Variants in APPBP2 observed in about 807,000 individuals in gnomAD.
APPBP2 encodes amyloid protein-binding protein 2.
A neutral mutation model predicts 76.0 loss-of-function variants in APPBP2; 15 were observed. The ratio of observed to expected loss-of-function variants is 0.20; its 90% CI spans 0.13 to 0.30. The LOEUF (loss-of-function observed/expected upper bound fraction) is 0.30. Among genes scored for constraint, APPBP2 ranks in the 10% least tolerant of loss-of-function variants. APPBP2 has a pLI of 1.00. For missense variants in APPBP2, 401 were observed against 687.2 expected (o/e 0.58, Z 4.66); for synonymous variants, 222 against 242.2 (o/e 0.92, Z 0.77).
chr17:60,507,887 A>C (rs1458773770), intron 1 of APPBP2, among the ~76,000 whole-genome samples: 1 of 152,098 alleles, frequency 6.6e-6, no homozygotes, highest in African/African-American at 2.4e-5. Flanking sequence ...TCCTGGGCTC[A>C]AGAGATTCTC....
chr17:60,522,634 T>C (rs775962305), intron 1 of APPBP2, among the ~76,000 whole-genome samples: 3 of 152,186 alleles, frequency 2.0e-5, no homozygotes, highest in African/African-American at 7.2e-5. Context: ...TTAATTCTTT[T>C]GTTCTGATCT....
intron 8 of APPBP2, 36 bp downstream of exon 8, chr17:60,461,774 C>T: frequency 6.8e-7 from 1 of 1,479,524 alleles, no homozygotes; most frequent in Non-Finnish European, 9.3e-7. Flanking sequence ...CAAGTCAATA[C>T]AGGTTGAAAG....
chr17:60,447,783 C>A lies in APPBP2; in HGVS notation c.1556G>T (p.Gly519Val). ...AATGGAGTTGTAAAGTTTAATGAGA[C>A]CTCGATAATCATATTCTAGTCCACT... Reference protein sequence around the residue: ...GYSGLEYDYRGLIKLYNSIGN... With the variant: ...GYSGLEYDYRVLIKLYNSIGN... Residue 519 changes from glycine (G) to valine (V), a missense_variant, in exon 13 of 13, where the codon GGT becomes GTT. Gly to Val is a moderately radical substitution (Grantham distance 109). Around this residue, in one of 5 missense-constraint regions of APPBP2, gnomAD observed 130 missense variants for 322.7 expected, o/e 0.40. Transcript: ENST00000083182. 6.2e-7 allele frequency: 1 copy of A among 1,613,676 alleles called. No homozygotes were observed. Among genetic ancestry groups the A allele is most frequent in the Non-Finnish European group, 8.5e-7 (1 of 1,179,918 alleles).
Position 60,479,138 on chromosome 17 carries a change from T to TC in APPBP2, c.503+9dup. 6.2e-7 allele frequency: 1 copy of TC among 1,609,040 alleles called. No individual in the cohort carries two copies. Among genetic ancestry groups the TC allele is most frequent in the South Asian group, 1.1e-5 (1 of 89,624 alleles). On this transcript the variant is annotated intron_variant, in intron 4 of 12. Transcript: ENST00000083182. ...TATAGCACGTAATTACAGGATATGT[T>TC]CCAACTTACCTCACACAACATTCTA...
intron 12 of APPBP2, 116 bp from the exon 13 acceptor site, chr17:60,447,950 C>T (rs1356548696): frequency 2.2e-6 from 2 of 919,710 alleles, no homozygotes; most frequent in Admixed American, 5.5e-5. Context: ...GGTTTATTCC[C>T]CTGAAAGGAA....
At chr17:60,500,213 C>T (rs1218992498) in intron 2 of APPBP2, among the ~76,000 whole-genome samples, 186 bp downstream of exon 2, 1 of 151,876 alleles carries the variant, frequency 6.6e-6, no homozygotes, top group Non-Finnish European at 1.5e-5. Flanking sequence ...GGTTTCATCA[C>T]GTTAGCCAGG....
chr17:60,496,883 G>C (rs1394161311), intron 2 of APPBP2, among the ~76,000 whole-genome samples: 2 of 152,116 alleles, frequency 1.3e-5, no homozygotes, highest in African/African-American at 2.4e-5. Context: ...ACCACGCCCA[G>C]CTAATTTTTG....
chr17:60,471,228 G>C (rs2143352053), intron 4 of APPBP2, among the ~76,000 whole-genome samples: 1 of 152,152 alleles, frequency 6.6e-6, no homozygotes, highest in Non-Finnish European at 1.5e-5. Context: ...TGATGTTTTT[G>C]ATTTACAAAA....
intron 2 of APPBP2, among the ~76,000 whole-genome samples, chr17:60,498,646 A>G (rs2090796855): frequency 6.6e-6 from 1 of 152,226 alleles, no homozygotes; most frequent in African/African-American, 2.4e-5. Context: ...TGATTCTCAT[A>G]AAACAATACT....
In APPBP2 at chr17:60,486,273, ATCTG is replaced by A. The variant is rs1439223258; in HGVS notation, c.380-7006_380-7003del. Among the ~76,000 whole-genome samples, 7 of 152,142 alleles carry A rather than the reference ATCTG, an allele frequency of 4.6e-5. No individual in the cohort carries two copies. In the East Asian group the frequency reaches 7.7e-4, roughly 17 times the overall value. On this transcript the variant is annotated intron_variant, in intron 3 of 12. Transcript: ENST00000083182. ...TCCTTGTTAACCTTCTGTCTCATTG[ATCTG>A]TCTAATATTGACAGTGGGGTGTTAA...
rs976849993 is a variant in APPBP2, at chr17:60,443,407, G to A, written c.*4174C>T. 2.0e-5 allele frequency: 3 copies of A among 152,568 alleles called. No individual in the cohort carries two copies. The highest frequency in any genetic ancestry group is 2.9e-5 in the Non-Finnish European group (2 of 68,004). 9.5% of individuals were successfully genotyped at this position (152,568 alleles called of 1,614,324 possible). Reference sequence around the variant, plus strand: ...TGGCACTATTAGTGGGGATTTTCACGTAAAGATTGTTAGTGTTTTGTTTTT... The same window carrying A: ...TGGCACTATTAGTGGGGATTTTCACATAAAGATTGTTAGTGTTTTGTTTTT... On this transcript the variant is annotated 3_prime_UTR_variant, in exon 13 of 13. Coordinates refer to ENST00000083182, the MANE Select transcript of APPBP2 (RefSeq NM_006380.5).
chr17:60,481,773 C>T (rs2090631671), intron 3 of APPBP2, among the ~76,000 whole-genome samples: 1 of 152,212 alleles, frequency 6.6e-6, no homozygotes, highest in African/African-American at 2.4e-5. Context: ...AAGAAGACAA[C>T]AGCACAATTG....
intron 1 of APPBP2, among the ~76,000 whole-genome samples, chr17:60,514,986 T>C (rs141251280): frequency 0.015 from 2,253 of 152,050 alleles, 49 homozygotes; most frequent in African/African-American, 0.05. Context: ...GTATGTTTAG[T>C]AGAGACGGGG....
chr17:60,505,470 C>T (rs754403732), intron 1 of APPBP2, among the ~76,000 whole-genome samples: 4 of 152,164 alleles, frequency 2.6e-5, no homozygotes, highest in Non-Finnish European at 5.9e-5. Flanking sequence ...CGCCTGCCAC[C>T]ATGGCCAGCT....
intron 4 of APPBP2, among the ~76,000 whole-genome samples, chr17:60,476,900 CAT>C (rs2090595015): frequency 6.6e-6 from 1 of 152,164 alleles, no homozygotes; most frequent in Non-Finnish European, 1.5e-5. Flanking sequence ...CAATATTCCT[CAT>C]GTTTTCTTCC....
chr17:60,500,561 T>C (rs2090815131), intron 1 of APPBP2, 74 bp from the exon 2 acceptor site: 7 of 1,044,832 alleles, frequency 6.7e-6, no homozygotes, highest in South Asian at 1.4e-5. Flanking sequence ...ATTTGATAAA[T>C]GTAATTTGAT....
chr17:60,467,133 G>A (rs2090517156), intron 4 of APPBP2, among the ~76,000 whole-genome samples: 1 of 151,544 alleles, frequency 6.6e-6, no homozygotes, highest in Non-Finnish European at 1.5e-5. Context: ...GGCAAATAGT[G>A]TTAGGACTGG....
At chr17:60,496,111 T>C (rs1238663135) in intron 2 of APPBP2, among the ~76,000 whole-genome samples, 2 of 152,206 alleles carry the variant, frequency 1.3e-5, no homozygotes, top group East Asian at 1.9e-4. Context: ...AATGGTCAGC[T>C]AGAAACTGAG....
chr17:60,475,689 A>G (rs922876856), intron 4 of APPBP2, among the ~76,000 whole-genome samples: 1 of 148,960 alleles, frequency 6.7e-6, no homozygotes, highest in African/African-American at 2.5e-5. Flanking sequence ...ACACACACAC[A>G]CGCTCCCCAA....
Sources: gnomAD v4.1 joint callset for allele counts (sites outside exome capture counted in the v4.1 genomes callset) on GRCh38, gnomAD v4.1.1 for gene constraint, gnomAD v4.1.1 regional missense constraint, MANE v1.5 for transcripts, NCBI Gene and HGNC (gene_info 2026-07-23, HGNC 2026-07-21) for gene names.